XYLT1: variants seen among roughly 807,000 people sequenced by gnomAD.
XYLT1 encodes the protein xylosyltransferase 1.
In XYLT1, 36 loss-of-function variants were observed where a neutral mutation model predicts 91.3. That is an observed-to-expected ratio of 0.39 (90% CI 0.30 to 0.52). The LOEUF (loss-of-function observed/expected upper bound fraction) is 0.52, where lower values mean the gene tolerates loss of function less well. Among genes scored for constraint, XYLT1 ranks in the 20% least tolerant of loss-of-function variants. The pLI, the probability that XYLT1 is intolerant of heterozygous loss-of-function variation, is 0.68. For missense variants in XYLT1, 1,242 were observed against 1,284.5 expected, an observed-to-expected ratio of 0.97 and a Z score of 0.51; for synonymous variants, 588 against 532.0, an observed-to-expected ratio of 1.11 and a Z score of -1.45.
At chr16:17,222,532 G>A (rs778647349) in intron 3 of XYLT1, among the ~76,000 whole-genome samples, 2 of 152,194 alleles carry the variant, frequency 1.3e-5, no homozygotes, top group Non-Finnish European at 2.9e-5. Context: ...GCTTACGCCT[G>A]TAATCCCAGC....
At chr16:17,340,127 TCATCCCTCTATCCATCCGCC>T (rs1246898997) in intron 2 of XYLT1, among the ~76,000 whole-genome samples, 1 of 148,192 alleles carries the variant, frequency 6.7e-6, no homozygotes, top group African/African-American at 2.5e-5. Context: ...CTGTATCCAC[TCATCCCTCTATCCATCCGCC>T]CATCCCTCCA....
At chr16:17,135,452 G>T (rs2091706809) in intron 8 of XYLT1, among the ~76,000 whole-genome samples, 1 of 152,024 alleles carries the variant, frequency 6.6e-6, no homozygotes, top group African/African-American at 2.4e-5. Flanking sequence ...AACCTAGGAG[G>T]TGGAGGTTGC....
chr16:17,264,451 A>G (rs868650540), intron 2 of XYLT1, among the ~76,000 whole-genome samples: 10 of 152,162 alleles, frequency 6.6e-5, no homozygotes, highest in Admixed American at 2.0e-4. Flanking sequence ...TATATGCCAC[A>G]TTTTCTTTAT....
chr16:17,178,442 C>T (rs1390375028), intron 5 of XYLT1, among the ~76,000 whole-genome samples: 1 of 152,124 alleles, frequency 6.6e-6, no homozygotes, highest in Admixed American at 6.5e-5. Context: ...TCAGATTCAA[C>T]CCCACCTGGG....
intron 5 of XYLT1, among the ~76,000 whole-genome samples, chr16:17,164,508 C>T (rs1052201239): frequency 9.2e-5 from 14 of 152,156 alleles, no homozygotes; most frequent in African/African-American, 3.4e-4. Flanking sequence ...ACACTCTCTA[C>T]CTGTTAAATA....
At chr16:17,290,479 C>A (rs1316330450) in intron 2 of XYLT1, among the ~76,000 whole-genome samples, 1 of 152,222 alleles carries the variant, frequency 6.6e-6, no homozygotes, top group African/African-American at 2.4e-5. Context: ...GAAGGAGACG[C>A]CTTACAGGCA....
chr16:17,132,541 C>A, intron 9 of XYLT1, among the ~76,000 whole-genome samples: 5 of 45,144 alleles, frequency 1.1e-4, no homozygotes, highest in Non-Finnish European at 4.9e-4. Flanking sequence ...TAGTACATGG[C>A]AACTGGCAAC....
At chr16:17,446,683 G>A (rs925551144) in intron 1 of XYLT1, among the ~76,000 whole-genome samples, 4 of 152,140 alleles carry the variant, frequency 2.6e-5, no homozygotes, top group East Asian at 3.9e-4. Context: ...GGAGGTAGGC[G>A]AAGACCCCAT....
intron 2 of XYLT1, among the ~76,000 whole-genome samples, chr16:17,271,435 A>G (rs1008678481): frequency 6.6e-6 from 1 of 151,922 alleles, no homozygotes; most frequent in Non-Finnish European, 1.5e-5. Flanking sequence ...GACACAGAGC[A>G]AGAGACACAG....
chr16:17,217,758 G>A (rs2032886926), intron 3 of XYLT1, among the ~76,000 whole-genome samples: 1 of 152,166 alleles, frequency 6.6e-6, no homozygotes, highest in African/African-American at 2.4e-5. Context: ...AAAAGTACGG[G>A]CGGCCAGGGG....
At chr16:17,246,786 A>G (rs2033442123) in intron 3 of XYLT1, among the ~76,000 whole-genome samples, 1 of 152,162 alleles carries the variant, frequency 6.6e-6, no homozygotes, top group Non-Finnish European at 1.5e-5. Flanking sequence ...GACTCAGGAT[A>G]TGCTATAGCA....
At chr16:17,221,203 G>A (rs189892693) in intron 3 of XYLT1, among the ~76,000 whole-genome samples, 244 of 152,192 alleles carry the variant, frequency 1.6e-3, no homozygotes, top group African/African-American at 5.6e-3. Context: ...AGTCAATAAA[G>A]CTACGGGAAG....
chr16:17,203,487 C>T (rs1724283538), intron 3 of XYLT1, among the ~76,000 whole-genome samples: 1 of 152,048 alleles, frequency 6.6e-6, no homozygotes, highest in Admixed American at 6.6e-5. Context: ...TCCATCTACC[C>T]ACCCATTCAT....
At chr16:17,202,072 TG>T (rs1459420788) in intron 3 of XYLT1, among the ~76,000 whole-genome samples, 1 of 152,206 alleles carries the variant, frequency 6.6e-6, no homozygotes, top group Non-Finnish European at 1.5e-5. Flanking sequence ...TTCTTTCTCT[TG>T]CTTCAGATAA....
At chr16:17,129,481 C>G (rs1283234348) in intron 9 of XYLT1, among the ~76,000 whole-genome samples, 2 of 152,092 alleles carry the variant, frequency 1.3e-5, no homozygotes, top group African/African-American at 4.8e-5. Flanking sequence ...AGGCTGGTCT[C>G]AAACTCACTC....
intron 5 of XYLT1, among the ~76,000 whole-genome samples, chr16:17,195,722 G>A (rs547331496): frequency 8.5e-4 from 129 of 152,236 alleles, no homozygotes; most frequent in Non-Finnish European, 1.5e-3. Context: ...GGGATTACAG[G>A]TGTGAGCCAC....
chr16:17,122,678 G>T (rs1298347634), intron 10 of XYLT1, among the ~76,000 whole-genome samples: 1 of 152,130 alleles, frequency 6.6e-6, no homozygotes, highest in Non-Finnish European at 1.5e-5. Flanking sequence ...GTCTAGAAGG[G>T]TTTTTCCAAT....
intron 2 of XYLT1, among the ~76,000 whole-genome samples, chr16:17,331,615 G>C (rs2034900355): frequency 6.6e-6 from 1 of 152,166 alleles, no homozygotes; most frequent in African/African-American, 2.4e-5. Context: ...TGGTGGGTCT[G>C]TATATGTTGA....
intron 3 of XYLT1, among the ~76,000 whole-genome samples, chr16:17,243,723 G>T (rs536712999): frequency 3.4e-4 from 52 of 152,288 alleles, no homozygotes; most frequent in African/African-American, 1.2e-3. Flanking sequence ...CAATCAATGT[G>T]AGGTGTCTCA....
Sources: allele counts gnomAD v4.1 joint callset (sites outside exome capture counted in the v4.1 genomes callset), GRCh38; gene constraint gnomAD v4.1.1; transcripts MANE v1.5; gene names NCBI Gene and HGNC (gene_info 2026-07-23, HGNC 2026-07-21).